Variants in MEF2C observed in about 807,000 individuals in gnomAD.
The protein encoded by MEF2C is myocyte enhancer factor 2C.
MEF2C carries 6 observed loss-of-function variants against 50.5 expected under a neutral mutation model. That is an observed-to-expected ratio of 0.12 (90% confidence interval 0.07 to 0.23). The LOEUF is 0.23. Ranked by LOEUF, MEF2C falls within the 10% of genes least tolerant of loss-of-function variation. The pLI, the probability that MEF2C is intolerant of heterozygous loss-of-function variation, is 1.00. For synonymous variants in MEF2C, 183 were observed against 228.0 expected (o/e 0.80, Z 1.78); for missense variants, 276 against 605.0 (o/e 0.46, Z 5.70).
At chr5:88,898,092 T>C (rs999027583) in intron 1 of MEF2C, among the ~76,000 whole-genome samples, 1 of 152,150 alleles carries the variant, frequency 6.6e-6, no homozygotes, top group Non-Finnish European at 1.5e-5. Flanking sequence ...AATTTTTTTT[T>C]CTCTCCGTTT....
intron 1 of MEF2C, among the ~76,000 whole-genome samples, chr5:88,880,053 C>T (rs964331788): frequency 1.3e-5 from 2 of 151,876 alleles, no homozygotes; most frequent in Non-Finnish European, 1.5e-5. Context: ...AGACAGTCCA[C>T]GCGCCTATAA....
chr5:88,797,455 CT>C (rs879036291), intron 3 of MEF2C, among the ~76,000 whole-genome samples: 308 of 63,272 alleles, frequency 4.9e-3, no homozygotes, highest in South Asian at 0.014. Flanking sequence ...CAACCCTTGC[CT>C]TTTTTTTTTT....
chr5:88,744,780 C>T (rs1235470053), intron 6 of MEF2C, among the ~76,000 whole-genome samples: 1 of 152,164 alleles, frequency 6.6e-6, no homozygotes, highest in Admixed American at 6.5e-5. Flanking sequence ...TTGTCTTCAT[C>T]TTTGAAAGTA....
chr5:88,812,915 G>T (rs1307721008), intron 2 of MEF2C, among the ~76,000 whole-genome samples: 1 of 152,074 alleles, frequency 6.6e-6, no homozygotes, highest in Admixed American at 6.6e-5. Context: ...TGAGCAGTAT[G>T]CAGGCACTGT....
At chr5:88,730,972 T>C (rs549249959) in intron 7 of MEF2C, among the ~76,000 whole-genome samples, 1 of 152,302 alleles carries the variant, frequency 6.6e-6, no homozygotes, top group East Asian at 1.9e-4. Context: ...TCTTTGTTGT[T>C]GAATTTGGTC....
At chr5:88,741,887 CG>C (rs1767008230) in intron 6 of MEF2C, 1 of 985,174 alleles carries the variant, frequency 1.0e-6, no homozygotes, top group African/African-American at 1.7e-5. Context: ...ACCTTTTGGA[CG>C]TATCAGTTGG....
intron 6 of MEF2C, chr5:88,734,560 A>ATTT (rs1228581437): frequency 7.5e-6 from 4 of 535,598 alleles, no homozygotes; most frequent in Non-Finnish European, 8.8e-6. Flanking sequence ...CCTTGAGAAA[A>ATTT]GTTTGTTTTT....
chr5:88,751,610 A>C, intron 5 of MEF2C: 1 of 860,298 alleles, frequency 1.2e-6, no homozygotes, highest in African/African-American at 1.8e-5. Flanking sequence ...TGTGGTTAAA[A>C]TATAGCCACA....
At chr5:88,729,414 TA>T in intron 8 of MEF2C, 67 bp from the exon 9 acceptor site, 2 of 1,377,146 alleles carry the variant, frequency 1.5e-6, no homozygotes, top group Non-Finnish European at 2.0e-6. Context: ...TAGATTTCAG[TA>T]TTAGTTTTCC....
intron 3 of MEF2C, among the ~76,000 whole-genome samples, chr5:88,773,791 G>T (rs189471045): frequency 3.3e-5 from 5 of 152,334 alleles, no homozygotes; most frequent in Admixed American, 6.5e-5. Context: ...AGTCAGGTTT[G>T]CCAGGTCTGT....
chr5:88,832,348 T>C (rs1356646328), intron 1 of MEF2C, among the ~76,000 whole-genome samples: 1 of 149,032 alleles, frequency 6.7e-6, no homozygotes, highest in Admixed American at 6.7e-5. Flanking sequence ...TAATATTCTA[T>C]TTTTTTTTTA....
At chr5:88,812,559 GA>G in intron 2 of MEF2C, among the ~76,000 whole-genome samples, 1 of 152,194 alleles carries the variant, frequency 6.6e-6, no homozygotes, top group South Asian at 2.1e-4. Flanking sequence ...AAGCATATCA[GA>G]TTTCTTATAT....
chr5:88,739,715 A>T (rs145243487), intron 6 of MEF2C: 51,983 of 985,194 alleles, frequency 0.053, 1,491 homozygotes, highest in Non-Finnish European at 0.058. Flanking sequence ...GTGTATCAAA[A>T]TCAGTTTTGT....
chr5:88,781,515 G>C (rs1580595073), intron 3 of MEF2C, among the ~76,000 whole-genome samples: 1 of 152,278 alleles, frequency 6.6e-6, no homozygotes, highest in East Asian at 1.9e-4. Flanking sequence ...AACCAGGTTT[G>C]TCTGACGCTA....
In MEF2C at chr5:88,875,727, GTATTTCCCC is replaced by G. The variant is rs574506122; in HGVS notation, c.-143+7219_-143+7227del. 2.9e-3 allele frequency among the ~76,000 whole-genome samples: 445 copies of G among 152,068 alleles called. 2 individuals carry two copies. Among genetic ancestry groups the G allele is most frequent in the African/African-American group, 0.01 (429 of 41,502 alleles). On this transcript the variant is annotated intron_variant, in intron 1 of 10. Coordinates refer to ENST00000504921, the MANE Select transcript of MEF2C (RefSeq NM_002397.5). ...ACATTATACTTTTCCTTTCCCAAAG[GTATTTCCCC>G]TATTTCCCAGGAAGAAGGCCCTCTG...
chr5:88,822,168 A>G (rs1808700661), intron 2 of MEF2C, among the ~76,000 whole-genome samples: 1 of 152,036 alleles, frequency 6.6e-6, no homozygotes, highest in Non-Finnish European at 1.5e-5. Context: ...CAAGCAAAAG[A>G]AGATATAATG....
rs1360938282 is a variant in MEF2C, at chr5:88,721,962, C to T, written c.*642G>A. On this transcript the variant is annotated 3_prime_UTR_variant, in exon 11 of 11. Coordinates refer to ENST00000504921, the MANE Select transcript of MEF2C (RefSeq NM_002397.5). The stretch of plus-strand genomic sequence containing the variant: ...TTTTTATTTAATAAGAGATGCAGAC[C>T]CAGATTTATTTATTTATTTAATTAA... 1 of 152,130 alleles carries T rather than the reference C, an allele frequency of 6.6e-6. No individual in the cohort carries two copies. Among genetic ancestry groups the T allele is most frequent in the East Asian group, 1.9e-4 (1 of 5,194 alleles). 9.4% of individuals were successfully genotyped at this position (152,130 alleles called of 1,614,324 possible).
In MEF2C at chr5:88,838,671, T is replaced by C. The variant is rs1336710101; in HGVS notation, c.-142-14741A>G. 3 of 985,194 alleles carry C rather than the reference T, an allele frequency of 3.0e-6. No homozygotes were observed. The African/African-American group carries it at 5.2e-5, about 17-fold the overall frequency. 61.0% of individuals were successfully genotyped at this position (985,194 alleles called of 1,614,324 possible). A position where few individuals can be genotyped will look rare whatever the true frequency, so the allele number is the denominator to read the frequency against. On this transcript the variant is annotated intron_variant, in intron 1 of 10. Coordinates refer to ENST00000504921, the MANE Select transcript of MEF2C (RefSeq NM_002397.5). ...CTTGAGTAGGTTTCTAAAACACACCTAACCAGCTCTGGTATGACCCTGGCC... is the reference window on the plus strand; with the variant it reads ...CTTGAGTAGGTTTCTAAAACACACCCAACCAGCTCTGGTATGACCCTGGCC...
chr5:88,737,510 T>C, intron 6 of MEF2C: 1 of 985,462 alleles, frequency 1.0e-6, no homozygotes, highest in Non-Finnish European at 1.2e-6. Flanking sequence ...GAGTATTTGT[T>C]GCCACAGGTT....
Sources: gnomAD v4.1 joint callset for allele counts (sites outside exome capture counted in the v4.1 genomes callset) on GRCh38, gnomAD v4.1.1 for gene constraint, MANE v1.5 for transcripts, NCBI Gene and HGNC (gene_info 2026-07-23, HGNC 2026-07-21) for gene names.